Variants in RNF13 observed in about 807,000 individuals in gnomAD.
RNF13 encodes the protein ring finger protein 13.
Under a neutral mutation model 37.7 loss-of-function variants are expected in RNF13, and 19 were observed. The observed-to-expected ratio is 0.50, with a 90% CI of 0.35 to 0.74. The LOEUF is 0.74. Among genes scored for constraint, RNF13 ranks in the 30% least tolerant of loss-of-function variants. RNF13 has a pLI of 0.01. For synonymous variants in RNF13, 144 were observed against 157.8 expected (o/e 0.91, Z 0.65); for missense variants, 375 against 453.0 (o/e 0.83, Z 1.56).
At chr3:149,945,573 T>C (rs993383011) in intron 8 of RNF13, among the ~76,000 whole-genome samples, 7 of 152,056 alleles carry the variant, frequency 4.6e-5, no homozygotes, top group African/African-American at 1.7e-4. Context: ...AGAGTAGTGG[T>C]TCTCCCAGCA....
chr3:149,938,852 G>C (rs778119770), intron 8 of RNF13: 4 of 284,144 alleles, frequency 1.4e-5, no homozygotes, highest in Non-Finnish European at 2.7e-5. Context: ...ACACATTCTT[G>C]GCAATAGAGC....
intron 4 of RNF13, among the ~76,000 whole-genome samples, chr3:149,891,303 A>T (rs1215567729): frequency 6.6e-6 from 1 of 152,244 alleles, no homozygotes; most frequent in Non-Finnish European, 1.5e-5. Context: ...TCTTTTTAAA[A>T]GGTCTCTATT....
At chr3:149,859,655 A>AT (rs1724018721) in intron 3 of RNF13, among the ~76,000 whole-genome samples, 1 of 152,052 alleles carries the variant, frequency 6.6e-6, no homozygotes. Context: ...AATATAGCTA[A>AT]TTTTTTATTC....
At chr3:149,886,089 G>A (rs1014108394) in intron 4 of RNF13, among the ~76,000 whole-genome samples, 4 of 152,104 alleles carry the variant, frequency 2.6e-5, no homozygotes, top group Non-Finnish European at 5.9e-5. Flanking sequence ...CCATTGTTCT[G>A]TGTATCTTTT....
intron 7 of RNF13, among the ~76,000 whole-genome samples, chr3:149,915,281 T>G (rs1717388750): frequency 6.6e-6 from 1 of 152,214 alleles, no homozygotes; most frequent in African/African-American, 2.4e-5. Context: ...TATAGATTAA[T>G]TTTTTATACT....
chr3:149,886,183 T>C (rs922703386), intron 4 of RNF13, among the ~76,000 whole-genome samples: 2 of 152,230 alleles, frequency 1.3e-5, no homozygotes, highest in African/African-American at 4.8e-5. Flanking sequence ...AGTTTTGTTC[T>C]TTTTGCTGAG....
intron 6 of RNF13, among the ~76,000 whole-genome samples, chr3:149,910,966 G>C (rs1002976846): frequency 6.6e-6 from 1 of 152,178 alleles, no homozygotes; most frequent in African/African-American, 2.4e-5. Flanking sequence ...TAATAACATG[G>C]TTAATGATAA....
chr3:149,959,454 C>T (rs1722173805), intron 8 of RNF13, among the ~76,000 whole-genome samples: 1 of 152,116 alleles, frequency 6.6e-6, no homozygotes, highest in African/African-American at 2.4e-5. Context: ...ATTAAAGTGG[C>T]AATATTAATA....
At chr3:149,926,549 A>C (rs1226593662) in intron 8 of RNF13, among the ~76,000 whole-genome samples, 1 of 152,166 alleles carries the variant, frequency 6.6e-6, no homozygotes, top group African/African-American at 2.4e-5. Flanking sequence ...TCCCAAGATC[A>C]TACAGATGTT....
At chr3:149,835,667 T>TGTTTG (rs1218091872) in intron 1 of RNF13, among the ~76,000 whole-genome samples, 3 of 87,996 alleles carry the variant, frequency 3.4e-5, no homozygotes, top group African/African-American at 3.9e-5. Flanking sequence ...GTGTGTGTGT[T>TGTTTG]TGTGTGTGTG....
At chr3:149,831,167 C>G (rs1033590138) in intron 1 of RNF13, among the ~76,000 whole-genome samples, 1 of 152,218 alleles carries the variant, frequency 6.6e-6, no homozygotes, top group Admixed American at 6.5e-5. Flanking sequence ...TGTTGGAGCC[C>G]CCACACAGAG....
chr3:149,870,277 C>T (rs935709950), intron 3 of RNF13, among the ~76,000 whole-genome samples: 8 of 151,402 alleles, frequency 5.3e-5, no homozygotes, highest in Admixed American at 5.3e-4. Context: ...GGAAATTTTC[C>T]TTGCAGTTGG....
intron 8 of RNF13, among the ~76,000 whole-genome samples, chr3:149,925,139 G>A (rs1372158460): frequency 6.6e-6 from 1 of 152,104 alleles, no homozygotes; most frequent in Admixed American, 6.6e-5. Context: ...AGTAGGAGGA[G>A]GAATGGACTA....
chr3:149,874,168 C>T (rs1183804157), intron 4 of RNF13, among the ~76,000 whole-genome samples: 2 of 152,066 alleles, frequency 1.3e-5, no homozygotes, highest in African/African-American at 4.8e-5. Context: ...TTATTTTTTC[C>T]TCCATAAATA....
chr3:149,944,821 C>A (rs1720612150), intron 8 of RNF13, among the ~76,000 whole-genome samples: 1 of 152,224 alleles, frequency 6.6e-6, no homozygotes, highest in Admixed American at 6.5e-5. Context: ...TAGTTAGATC[C>A]CATTTGTCAA....
At chr3:149,921,102 T>G (rs1441853701) in intron 7 of RNF13, 32 bp from the exon 8 acceptor site, 1 of 895,686 alleles carries the variant, frequency 1.1e-6, no homozygotes, top group Non-Finnish European at 1.6e-6. Context: ...ACATTTAATA[T>G]CTGACTCCTT....
chr3:149,834,919 T>C (rs1364105988), intron 1 of RNF13, among the ~76,000 whole-genome samples: 1 of 152,208 alleles, frequency 6.6e-6, no homozygotes, highest in African/African-American at 2.4e-5. Flanking sequence ...AGAAAGGCAT[T>C]GTACACAGTC....
intron 8 of RNF13, among the ~76,000 whole-genome samples, chr3:149,933,794 G>T (rs1420840103): frequency 6.6e-6 from 1 of 151,974 alleles, no homozygotes; most frequent in Non-Finnish European, 1.5e-5. Context: ...ATGTTGGACA[G>T]GCTGGTCTCG....
intron 4 of RNF13, among the ~76,000 whole-genome samples, chr3:149,873,791 G>A (rs1559921361): frequency 1.3e-5 from 2 of 151,998 alleles, no homozygotes; most frequent in African/African-American, 4.8e-5. Context: ...CTTCCACTTT[G>A]TAAATACTTC....
Sources: gnomAD v4.1 joint callset for allele counts (sites outside exome capture counted in the v4.1 genomes callset) on GRCh38, gnomAD v4.1.1 for gene constraint, MANE v1.5 for transcripts, NCBI Gene and HGNC (gene_info 2026-07-23, HGNC 2026-07-21) for gene names.